Variants in CHRNB4 observed in about 807,000 individuals in gnomAD.
CHRNB4 encodes the protein cholinergic receptor nicotinic beta 4 subunit, also known as neuronal acetylcholine receptor subunit beta-4.
CHRNB4 carries 23 observed loss-of-function variants against 40.4 expected under a neutral mutation model. That is an observed-to-expected ratio of 0.57 (90% CI 0.41 to 0.81). CHRNB4 has a LOEUF of 0.81. Ranked by LOEUF, CHRNB4 falls within the 30% of genes least tolerant of loss-of-function variation. The pLI, the probability that CHRNB4 is intolerant of heterozygous loss-of-function variation, is 0.00. For synonymous variants in CHRNB4, 285 were observed against 274.4 expected (o/e 1.04, Z -0.38); for missense variants, 568 against 670.6 (o/e 0.85, Z 1.69).
chr15:78,661,615 G>A (rs941284194), upstream of CHRNB4: 4 of 493,196 alleles, frequency 8.1e-6, no homozygotes, highest in African/African-American at 6.0e-5. Flanking sequence ...CCATGATGGC[G>A]CCTCCTGCTC....
chr15:78,652,118 C>T (rs1221639690), intron 6 of CHRNB4, among the ~76,000 whole-genome samples: 1 of 152,188 alleles, frequency 6.6e-6, no homozygotes, highest in Non-Finnish European at 1.5e-5. Flanking sequence ...ATCCACAGGT[C>T]CTTCACTTGT....
chr15:78,657,473 T>C (rs1047283143), intron 2 of CHRNB4: 1 of 152,248 alleles, frequency 6.6e-6, no homozygotes, highest in Non-Finnish European at 1.5e-5. Flanking sequence ...ATTTACTCTA[T>C]ATAAGTTTTG....
upstream of CHRNB4, among the ~76,000 whole-genome samples, chr15:78,643,458 A>G (rs946211503): frequency 2.0e-5 from 3 of 152,126 alleles, no homozygotes; most frequent in Non-Finnish European, 2.9e-5. Flanking sequence ...TAATGGTAAA[A>G]CTTTAGAAGC....
At chr15:78,632,489 T>G (rs755456957) in intron 2 of CHRNB4, among the ~76,000 whole-genome samples, 4 of 151,944 alleles carry the variant, frequency 2.6e-5, no homozygotes, top group Non-Finnish European at 4.4e-5. Context: ...TAAAAAATTT[T>G]TTGTGGAGAT....
chr15:78,641,269 G>A, upstream of CHRNB4: 1 of 720,076 alleles, frequency 1.4e-6, no homozygotes, highest in Non-Finnish European at 2.1e-6. Context: ...AGGACCCCGC[G>A]GAGAGCCCCG....
At chr15:78,632,265 TTCTTTCTTTC>T (rs2053847787) in intron 2 of CHRNB4, among the ~76,000 whole-genome samples, 3 of 97,798 alleles carry the variant, frequency 3.1e-5, no homozygotes, top group Non-Finnish European at 6.0e-5. Context: ...CTTTCTTTCT[TTCTTTCTTTC>T]TTTCTCCCTT....
chr15:78,659,324 C>T (rs2054235823), intron 1 of CHRNB4, among the ~76,000 whole-genome samples: 1 of 152,112 alleles, frequency 6.6e-6, no homozygotes, highest in Non-Finnish European at 1.5e-5. Context: ...GTCCCAGCTA[C>T]TCAGGAGGCT....
intron 2 of CHRNB4, among the ~76,000 whole-genome samples, chr15:78,657,971 T>C (rs1050279413): frequency 1.3e-5 from 2 of 151,894 alleles, no homozygotes; most frequent in African/African-American, 2.4e-5. Flanking sequence ...GGTGGGGCAC[T>C]TTTGATTCTG....
At position 78,641,065 on chromosome 15, in the gene CHRNB4, CGAAAA is replaced by C. The variant is rs780191631; in HGVS notation, c.55+9_55+13del. 6.4e-7 allele frequency: 1 copy of C among 1,570,530 alleles called. No individual in the cohort carries two copies. The highest frequency in any genetic ancestry group is 1.2e-5 in the South Asian group (1 of 85,554). ...ACCCAGGCGCCCCTCCCTCCTTCCCCGAAAAGAACTCACCGCGCCCGCAAAGGGCG... is the reference window on the plus strand; with the variant it reads ...ACCCAGGCGCCCCTCCCTCCTTCCCCGAACTCACCGCGCCCGCAAAGGGCG... On this transcript the variant is annotated intron_variant, in intron 1 of 5. Transcript: ENST00000261751.
intron 1 of CHRNB4, among the ~76,000 whole-genome samples, chr15:78,639,711 A>C (rs1360976862): frequency 6.6e-6 from 1 of 152,180 alleles, no homozygotes; most frequent in Non-Finnish European, 1.5e-5. Context: ...TTATTCCCAG[A>C]GATTCTGATC....
Position 78,635,550 on chromosome 15 carries a change from C to T in CHRNB4, c.93G>A (p.Met31Ile). The T allele has an allele frequency of 6.2e-7, 1 of 1,614,142 alleles. No homozygotes were observed. Among genetic ancestry groups the T allele is most frequent in the Non-Finnish European group, 8.5e-7 (1 of 1,180,012 alleles). Residue 31 changes from methionine (M) to isoleucine (I), a missense_variant, in exon 2 of 6, where the codon ATG (methionine) becomes ATA (isoleucine). This residue lies in a region of CHRNB4 where 161 missense variants were observed against 148.1 expected (regional missense o/e 1.09). Coordinates refer to ENST00000261751, the MANE Select transcript of CHRNB4 (RefSeq NM_000750.5). Reference protein sequence around the residue: ...CRVANAEEKLMDDLLNKTRYN... With the variant: ...CRVANAEEKLIDDLLNKTRYN... ...AACGGGTTTTGTTCAGAAGGTCGTC[C>T]ATCAGCTTTTCCTCCGCATTGGCCA...
intron 2 of CHRNB4, among the ~76,000 whole-genome samples, chr15:78,634,263 A>T (rs1168546634): frequency 6.6e-6 from 1 of 152,166 alleles, no homozygotes; most frequent in African/African-American, 2.4e-5. Flanking sequence ...AGGTAGCCTG[A>T]GTCTGGAAGT....
intron 1 of CHRNB4, among the ~76,000 whole-genome samples, 198 bp downstream of exon 1, chr15:78,640,881 G>A (rs1424999841): frequency 6.6e-6 from 1 of 152,110 alleles, no homozygotes; most frequent in Non-Finnish European, 1.5e-5. Flanking sequence ...CTCCAAACCT[G>A]GCAGACCCAC....
chr15:78,624,978 C>A lies in CHRNB4; in HGVS notation c.*155G>T. 2 of 1,570,014 alleles carry A rather than the reference C, an allele frequency of 1.3e-6. No homozygotes were observed. Among genetic ancestry groups the A allele is most frequent in the African/African-American group, 2.7e-5 (2 of 74,216 alleles). On this transcript the variant is annotated 3_prime_UTR_variant, in exon 6 of 6. Coordinates refer to ENST00000261751, the MANE Select transcript of CHRNB4 (RefSeq NM_000750.5). ...ATTCAGAGAGGACAGCCCAGGCCCC[C>A]ATCCTTGCCTGTTCCACGGCTGTGG...
chr15:78,627,871 A>G (rs2053694518), intron 5 of CHRNB4: 1 of 152,204 alleles, frequency 6.6e-6, no homozygotes, highest in African/African-American at 2.4e-5. Context: ...TTTTTAAAAA[A>G]TCCGTAATTC....
Position 78,625,174 on chromosome 15 carries a change from G to A in CHRNB4, c.1456C>T (p.His486Tyr), listed in dbSNP as rs1177230113. 2 of 1,612,666 alleles carry A rather than the reference G, an allele frequency of 1.2e-6. No homozygotes were observed. Among genetic ancestry groups the A allele is most frequent in the East Asian group, 4.5e-5 (2 of 44,864 alleles). Residue 486 changes from histidine (H) to tyrosine (Y), a missense_variant, in exon 6 of 6, where the codon CAT becomes TAT. Physicochemically the swap from His to Tyr is moderately conservative, Grantham distance 83. Coordinates refer to ENST00000261751, the MANE Select transcript of CHRNB4 (RefSeq NM_000750.5). ...GLFLPPLFQT[H>Y]AASEGPYAAQ... is the part of the protein sequence containing the mutation. ...GCGTAGGGCCCCTCAGAAGCTGCAT[G>A]GGTCTGGAAGAGGGGCGGTAGGAAG...
At chr15:78,647,613 A>G (rs543132886) in intron 7 of CHRNB4, among the ~76,000 whole-genome samples, 105 of 149,806 alleles carry the variant, frequency 7.0e-4, no homozygotes, top group East Asian at 5.1e-3. Context: ...TTGGGAGGCC[A>G]AGGCGGGCAG....
rs55851389 is a variant in CHRNB4, at chr15:78,629,891, G to A, written c.414C>T (p.Asn138=). The A allele has an allele frequency of 1.4e-4, 233 of 1,611,394 alleles. 1 individual carries two copies. Among genetic ancestry groups the A allele is most frequent in the Non-Finnish European group, 1.8e-4 (212 of 1,179,600 alleles). ...SVYTNLIVRS[N]GSVLWLPPAI... is the part of the protein sequence containing the mutation. ...CAGGGGGCAGCCACAGGACGCTGCC[G>A]TTGGACCGGACTATCAAGTTGGTGT... Residue 138 remains asparagine (N), a synonymous_variant, in exon 5 of 6, where the codon AAC becomes AAT. Coordinates refer to ENST00000261751, the MANE Select transcript of CHRNB4 (RefSeq NM_000750.5). This position sits in a 1 kb window ranked among gnomAD's most constrained non-coding sequence, Gnocchi z 6.8.
exon 4 of CHRNB4, chr15:78,656,433 C>T (rs1309048946): frequency 6.6e-6 from 1 of 151,920 alleles, no homozygotes; most frequent in East Asian, 1.9e-4. Flanking sequence ...AGATGGACAG[C>T]CTAAATACTG....
Sources: gnomAD v4.1 joint callset for allele counts (sites outside exome capture counted in the v4.1 genomes callset) on GRCh38, gnomAD v4.1.1 for gene constraint, gnomAD v4.1.1 regional missense constraint, Gnocchi (gnomAD v3.1) non-coding constraint, MANE v1.5 for transcripts, NCBI Gene and HGNC (gene_info 2026-07-23, HGNC 2026-07-21) for gene names.